Variants in TTBK2 observed in about 807,000 individuals in gnomAD.
The protein encoded by TTBK2 is tau tubulin kinase 2.
A neutral mutation model predicts 110.8 loss-of-function variants in TTBK2; 28 were observed. The observed-to-expected ratio is 0.25, with a 90% confidence interval of 0.19 to 0.35. TTBK2 has a LOEUF of 0.35. TTBK2 is among the 10% of genes least tolerant of loss of function. The pLI is 1.00. For synonymous variants in TTBK2, 532 were observed against 527.3 expected, an observed-to-expected ratio of 1.01 and a Z score of -0.12; for missense variants, 1,369 against 1,500.3, an observed-to-expected ratio of 0.91 and a Z score of 1.45.
At chr15:42,869,681 A>C (rs1189972395) in intron 3 of TTBK2, among the ~76,000 whole-genome samples, 1 of 152,104 alleles carries the variant, frequency 6.6e-6, no homozygotes, top group Non-Finnish European at 1.5e-5. Flanking sequence ...GACACACATA[A>C]ATGTTTATTC....
intron 1 of TTBK2, among the ~76,000 whole-genome samples, chr15:42,886,480 G>A (rs1057299550): frequency 1.3e-5 from 2 of 152,290 alleles, no homozygotes; most frequent in East Asian, 1.9e-4. Flanking sequence ...TTCATGGCCC[G>A]TTTGGCAGCA....
At chr15:42,810,050 C>A (rs1891639271) in intron 9 of TTBK2, among the ~76,000 whole-genome samples, 1 of 152,080 alleles carries the variant, frequency 6.6e-6, no homozygotes, top group Non-Finnish European at 1.5e-5. Flanking sequence ...CCAAATTCTC[C>A]CTGAGAGCAA....
intron 9 of TTBK2, among the ~76,000 whole-genome samples, chr15:42,808,360 A>T (rs999691426): frequency 2.0e-5 from 3 of 152,236 alleles, no homozygotes; most frequent in African/African-American, 7.2e-5. Context: ...ATCATTTAAC[A>T]CTTTGATTAT....
At chr15:42,763,439 C>T (rs1248304646) in intron 13 of TTBK2, among the ~76,000 whole-genome samples, 1 of 150,750 alleles carries the variant, frequency 6.6e-6, no homozygotes, top group African/African-American at 2.4e-5. Flanking sequence ...GTCTCCAACT[C>T]CTGACCTCAG....
At chr15:42,806,973 C>T (rs1162263247) in intron 9 of TTBK2, among the ~76,000 whole-genome samples, 1 of 152,154 alleles carries the variant, frequency 6.6e-6, no homozygotes, top group Admixed American at 6.6e-5. Context: ...CCTTCCTTGA[C>T]CACTCTATTT....
intron 6 of TTBK2, among the ~76,000 whole-genome samples, chr15:42,818,314 T>C (rs1445597139): frequency 6.6e-6 from 1 of 152,242 alleles, no homozygotes; most frequent in East Asian, 1.9e-4. Context: ...GCGAGGTCTT[T>C]GTCTTGCTCA....
In TTBK2 at chr15:42,766,779, A is replaced by G. The variant is rs575505860; in HGVS notation, c.1998+8356T>C. Among the ~76,000 whole-genome samples the G allele has an allele frequency of 1.4e-4, 21 of 152,286 alleles. No individual in the cohort carries two copies. The East Asian group carries it at 3.9e-3, about 28-fold the overall frequency. On this transcript the variant is annotated intron_variant, in intron 13 of 14. Coordinates refer to ENST00000267890, the MANE Select transcript of TTBK2 (RefSeq NM_173500.4). ...ACTTGAACTCAGCTCTGCACCAAGC[A>G]GACCTAATAGACATCTACAGAACTC...
intron 1 of TTBK2, among the ~76,000 whole-genome samples, chr15:42,881,045 G>A (rs1895019906): frequency 6.6e-6 from 1 of 151,874 alleles, no homozygotes; most frequent in Non-Finnish European, 1.5e-5. Flanking sequence ...ACTTTGGGAG[G>A]CCAAGACAGG....
intron 1 of TTBK2, among the ~76,000 whole-genome samples, chr15:42,918,138 C>A (rs190795636): frequency 6.6e-6 from 1 of 151,966 alleles, no homozygotes; most frequent in African/African-American, 2.4e-5. Context: ...TGCAGTGGAG[C>A]GATCACAGAT....
At chr15:42,882,294 A>G (rs1032036051) in intron 1 of TTBK2, among the ~76,000 whole-genome samples, 2 of 151,980 alleles carry the variant, frequency 1.3e-5, no homozygotes, top group African/African-American at 4.8e-5. Context: ...AAAAAAATAT[A>G]TACTTAAAAA....
rs991496374 is a variant in TTBK2, at chr15:42,851,230, A to G, written c.218-10797T>C. Among the ~76,000 whole-genome samples, 4 of 151,008 alleles carry G rather than the reference A, an allele frequency of 2.6e-5. 1 individual carries two copies. The highest frequency in any genetic ancestry group is 4.4e-5 in the Non-Finnish European group (3 of 67,724). On this transcript the variant is annotated intron_variant, in intron 3 of 14. Coordinates refer to ENST00000267890, the MANE Select transcript of TTBK2 (RefSeq NM_173500.4). ...GCCACTGCACTCCAGCCTCGGCGAC[A>G]GAGCAAAACTCTGTCTCAGAAAAAA...
chr15:42,753,312 G>T, intron 13 of TTBK2, 65 bp from the exon 14 acceptor site: 1 of 1,473,094 alleles, frequency 6.8e-7, no homozygotes. Context: ...TGCATGCTTT[G>T]AGATTTAACA....
chr15:42,874,217 T>C (rs969300566), intron 2 of TTBK2, among the ~76,000 whole-genome samples: 9 of 152,136 alleles, frequency 5.9e-5, no homozygotes, highest in Non-Finnish European at 1.3e-4. Context: ...TTTCCTTGTG[T>C]CCCCCATAGC....
intron 11 of TTBK2, among the ~76,000 whole-genome samples, chr15:42,781,015 C>T (rs1890157233): frequency 6.6e-6 from 1 of 151,748 alleles, no homozygotes; most frequent in Admixed American, 6.6e-5. Context: ...ATCAATTAAG[C>T]TGACTAATTA....
chr15:42,802,253 C>CA, intron 9 of TTBK2: 5 of 812,704 alleles, frequency 6.2e-6, no homozygotes, highest in Non-Finnish European at 1.1e-5. Context: ...CCATATCCTG[C>CA]ACCCAGGCCA....
chr15:42,852,010 C>G (rs1335896803), intron 3 of TTBK2, among the ~76,000 whole-genome samples: 1 of 151,784 alleles, frequency 6.6e-6, no homozygotes, highest in Non-Finnish European at 1.5e-5. Context: ...TAGCACTGTT[C>G]TACCATATCG....
At chr15:42,861,014 G>C (rs1894135971) in intron 3 of TTBK2, among the ~76,000 whole-genome samples, 1 of 152,254 alleles carries the variant, frequency 6.6e-6, no homozygotes, top group Non-Finnish European at 1.5e-5. Context: ...GAAGGACAAA[G>C]AAGGGTATTA....
chr15:42,913,606 C>CCT (rs1283229558), intron 1 of TTBK2, among the ~76,000 whole-genome samples: 2 of 151,858 alleles, frequency 1.3e-5, no homozygotes, highest in South Asian at 2.1e-4. Context: ...CCACTGCACT[C>CCT]CAGCCTGGGC....
chr15:42,830,510 T>C (rs1892713734), intron 4 of TTBK2, among the ~76,000 whole-genome samples: 1 of 151,892 alleles, frequency 6.6e-6, no homozygotes, highest in African/African-American at 2.4e-5. Context: ...TTTACCCAAA[T>C]TGTGATCCTC....
Sources: allele counts gnomAD v4.1 joint callset (sites outside exome capture counted in the v4.1 genomes callset), GRCh38; gene constraint gnomAD v4.1.1; transcripts MANE v1.5; gene names NCBI Gene and HGNC (gene_info 2026-07-23, HGNC 2026-07-21).